The following MOCOS variants were observed in gnomAD, a reference collection of about 807,000 sequenced individuals.
The protein encoded by MOCOS is molybdenum cofactor sulfurase.
Under a neutral mutation model 83.6 loss-of-function variants are expected in MOCOS, and 86 were observed. That is an observed-to-expected ratio of 1.03 (90% CI 0.86 to 1.23). The LOEUF is 1.23. MOCOS is among the 50% of genes most tolerant of loss of function. The pLI is 0.00. For missense variants in MOCOS, 1,120 were observed against 1,126.9 expected (o/e 0.99, Z 0.09); for synonymous variants, 445 against 434.7 (o/e 1.02, Z -0.29).
At chr18:36,228,049 A>G (rs761307979) in intron 9 of MOCOS, among the ~76,000 whole-genome samples, 3 of 152,232 alleles carry the variant, frequency 2.0e-5, no homozygotes, top group Non-Finnish European at 2.9e-5. Flanking sequence ...AAAAGAAGAC[A>G]TATATGCAGC....
At chr18:36,229,605 CTT>C (rs1329110071) in intron 9 of MOCOS, among the ~76,000 whole-genome samples, 1 of 152,058 alleles carries the variant, frequency 6.6e-6, no homozygotes, top group Non-Finnish European at 1.5e-5. Flanking sequence ...TTTTCTCACT[CTT>C]TTCAAAGTTT....
chr18:36,194,570 T>C (rs2091379622), intron 1 of MOCOS, among the ~76,000 whole-genome samples: 1 of 152,216 alleles, frequency 6.6e-6, no homozygotes, highest in Non-Finnish European at 1.5e-5. Context: ...CAAGTGGAAT[T>C]GCTAGGTCAA....
chr18:36,187,952 GC>G (rs2091348362), intron 1 of MOCOS, among the ~76,000 whole-genome samples: 1 of 152,234 alleles, frequency 6.6e-6, no homozygotes, highest in African/African-American at 2.4e-5. Flanking sequence ...CGCGAGCGGG[GC>G]TTAGGATGGT....
At chr18:36,261,484 C>T (rs925345175) in intron 13 of MOCOS, among the ~76,000 whole-genome samples, 9 of 152,154 alleles carry the variant, frequency 5.9e-5, no homozygotes, top group African/African-American at 2.2e-4. Flanking sequence ...TAACGAGCTA[C>T]CTTGTATTCA....
chr18:36,235,939 G>A (rs1344484188), intron 9 of MOCOS, among the ~76,000 whole-genome samples: 3 of 151,962 alleles, frequency 2.0e-5, no homozygotes, highest in Non-Finnish European at 2.9e-5. Flanking sequence ...CTTTTGAGAC[G>A]TGTCTGTTCA....
chr18:36,255,801 G>A (rs1323526532), intron 11 of MOCOS, among the ~76,000 whole-genome samples: 1 of 152,032 alleles, frequency 6.6e-6, no homozygotes, highest in Non-Finnish European at 1.5e-5. Flanking sequence ...CTGCCAAAGG[G>A]AGATGGGAAC....
chr18:36,208,530 A>G (rs2091442792), intron 6 of MOCOS, among the ~76,000 whole-genome samples: 1 of 152,054 alleles, frequency 6.6e-6, no homozygotes. Flanking sequence ...GTGGATTCCT[A>G]GGTATTTTAT....
chr18:36,212,028 C>T (rs531501131), intron 6 of MOCOS, among the ~76,000 whole-genome samples: 6 of 152,300 alleles, frequency 3.9e-5, no homozygotes, highest in Admixed American at 6.5e-5. Flanking sequence ...CACATGGAGA[C>T]GCCAAGCTCA....
intron 11 of MOCOS, among the ~76,000 whole-genome samples, chr18:36,252,736 C>T (rs2091626635): frequency 6.6e-6 from 1 of 152,120 alleles, no homozygotes; most frequent in Non-Finnish European, 1.5e-5. Flanking sequence ...GTTTCTAAAA[C>T]ATAAATAAAC....
intron 13 of MOCOS, among the ~76,000 whole-genome samples, chr18:36,260,448 C>T (rs2091659875): frequency 6.6e-6 from 1 of 152,204 alleles, no homozygotes; most frequent in African/African-American, 2.4e-5. Flanking sequence ...TCGTTATGTC[C>T]AGACTTAAAC....
At chr18:36,238,873 C>T in intron 9 of MOCOS, among the ~76,000 whole-genome samples, 1 of 141,314 alleles carries the variant, frequency 7.1e-6, no homozygotes, top group Non-Finnish European at 1.6e-5. Flanking sequence ...GAATTGATCC[C>T]TTTACCATTA....
chr18:36,188,470 G>T (rs1277974670), intron 1 of MOCOS, among the ~76,000 whole-genome samples: 1 of 152,198 alleles, frequency 6.6e-6, no homozygotes, highest in African/African-American at 2.4e-5. Context: ...GCCCAAGTTC[G>T]TGACTCATCC....
intron 12 of MOCOS, among the ~76,000 whole-genome samples, chr18:36,257,749 C>T (rs887171144): frequency 2.6e-5 from 4 of 152,154 alleles, no homozygotes; most frequent in Non-Finnish European, 2.9e-5. Context: ...GCTCCTCATT[C>T]CTGGTCCACA....
chr18:36,247,045 G>T (rs764532773), intron 9 of MOCOS, among the ~76,000 whole-genome samples: 20 of 151,994 alleles, frequency 1.3e-4, no homozygotes, highest in Non-Finnish European at 2.6e-4. Context: ...CACTCTGGGG[G>T]TGGGGGGCTG....
At chr18:36,199,652 G>A (rs1354651443) in intron 3 of MOCOS, 31 bp from the exon 4 acceptor site, 10 of 1,611,916 alleles carry the variant, frequency 6.2e-6, no homozygotes, top group Middle Eastern at 2.1e-4. Flanking sequence ...GCTGAGATCC[G>A]CGGGTTGCGG....
chr18:36,237,675 T>C (rs950099504), intron 9 of MOCOS, among the ~76,000 whole-genome samples: 86 of 152,256 alleles, frequency 5.6e-4, no homozygotes, highest in African/African-American at 2.0e-3. Context: ...TTCCCTCTTT[T>C]TCTATTGATT....
intron 1 of MOCOS, among the ~76,000 whole-genome samples, chr18:36,191,275 G>T (rs1230077526): frequency 1.3e-5 from 2 of 152,110 alleles, no homozygotes; most frequent in African/African-American, 4.8e-5. Context: ...ATGTGAGAAT[G>T]GACTGATACA....
At position 36,222,408 on chromosome 18, in the gene MOCOS, G is replaced by C. The variant is rs546093389; in HGVS notation, c.1960+2191G>C. Among the ~76,000 whole-genome samples the C allele has an allele frequency of 3.3e-5, 5 of 152,068 alleles. No homozygotes were observed. In the South Asian group the frequency reaches 6.2e-4, roughly 19 times the overall value. ...CGACAACACTTACTTACTGTCTTTT[G>C]TTTGTTTTCTTTTGACAATAGCCAT... On this transcript the variant is annotated intron_variant, in intron 9 of 14. Transcript: ENST00000261326.
At chr18:36,209,924 GA>G (rs1342492050) in intron 6 of MOCOS, among the ~76,000 whole-genome samples, 3 of 152,064 alleles carry the variant, frequency 2.0e-5, no homozygotes, top group Non-Finnish European at 4.4e-5. Context: ...GGCTGGTCTT[GA>G]ACACCTGAGC....
Sources: allele counts gnomAD v4.1 joint callset (sites outside exome capture counted in the v4.1 genomes callset), GRCh38; gene constraint gnomAD v4.1.1; transcripts MANE v1.5; gene names NCBI Gene and HGNC (gene_info 2026-07-23, HGNC 2026-07-21).